SPAG16: variants seen among roughly 807,000 people sequenced by gnomAD.
SPAG16 encodes sperm associated antigen 16, also known as sperm-associated antigen 16 protein.
In SPAG16, 86 loss-of-function variants were observed where a neutral mutation model predicts 80.4. The observed-to-expected ratio is 1.07, with a 90% CI of 0.90 to 1.28. SPAG16 has a LOEUF of 1.28. SPAG16 is among the 50% of genes most tolerant of loss of function. The pLI is 0.00. For missense variants in SPAG16, 870 were observed against 765.3 expected (o/e 1.14, Z -1.61); for synonymous variants, 294 against 265.9 (o/e 1.11, Z -1.03).
At chr2:214,095,088 A>G (rs11889359) in intron 13 of SPAG16, among the ~76,000 whole-genome samples, 13,248 of 152,078 alleles carry the variant, frequency 0.087, 760 homozygotes, top group East Asian at 0.28. Flanking sequence ...GAAGGAACTC[A>G]AAAGTTCTTA....
chr2:213,640,263 TG>T (rs1203803794), intron 10 of SPAG16, among the ~76,000 whole-genome samples: 7 of 152,212 alleles, frequency 4.6e-5, no homozygotes, highest in African/African-American at 1.7e-4. Context: ...TATTTCTTCT[TG>T]GTTTGGATCC....
At chr2:214,012,595 CAA>C (rs1391317806) in intron 12 of SPAG16, among the ~76,000 whole-genome samples, 1 of 151,732 alleles carries the variant, frequency 6.6e-6, no homozygotes, top group African/African-American at 2.4e-5. Flanking sequence ...ATGCCTGGGC[CAA>C]CTGACTGATT....
intron 15 of SPAG16, among the ~76,000 whole-genome samples, chr2:214,362,607 G>A (rs10188544): frequency 0.024 from 3,665 of 151,784 alleles, 143 homozygotes; most frequent in African/African-American, 0.083. Flanking sequence ...CCTCACTGTG[G>A]CTAGTTGATA....
At chr2:214,078,586 T>C (rs1372210593) in intron 13 of SPAG16, among the ~76,000 whole-genome samples, 3 of 151,764 alleles carry the variant, frequency 2.0e-5, no homozygotes, top group Admixed American at 6.6e-5. Flanking sequence ...TCTGTGTGTC[T>C]CTTAATTGCA....
intron 13 of SPAG16, among the ~76,000 whole-genome samples, chr2:214,052,614 A>G (rs750239976): frequency 3.2e-4 from 49 of 152,194 alleles, no homozygotes; most frequent in Non-Finnish European, 5.3e-4. Flanking sequence ...ATCGTATATT[A>G]TAAGAATAAT....
chr2:213,755,816 T>C (rs2068298997), intron 10 of SPAG16, among the ~76,000 whole-genome samples: 1 of 152,200 alleles, frequency 6.6e-6, no homozygotes, highest in Non-Finnish European at 1.5e-5. Context: ...ATGTAACTAA[T>C]AGAGAGGAAT....
intron 10 of SPAG16, among the ~76,000 whole-genome samples, chr2:213,804,422 G>A (rs985996555): frequency 1.3e-5 from 2 of 152,158 alleles, no homozygotes; most frequent in East Asian, 1.9e-4. Flanking sequence ...TGTGGCTGGC[G>A]CCTGTAATCC....
chr2:214,111,563 G>A (rs540166720), intron 14 of SPAG16, among the ~76,000 whole-genome samples: 23 of 152,234 alleles, frequency 1.5e-4, no homozygotes, highest in Non-Finnish European at 2.5e-4. Context: ...GTCAGGTAGC[G>A]TGATGCCTCC....
At chr2:213,739,026 TG>T (rs2067422879) in intron 10 of SPAG16, among the ~76,000 whole-genome samples, 1 of 152,336 alleles carries the variant, frequency 6.6e-6, no homozygotes, top group East Asian at 1.9e-4. Flanking sequence ...AACTGTGATT[TG>T]GGGATTGTTA....
At chr2:214,065,786 C>A (rs2050501935) in intron 13 of SPAG16, among the ~76,000 whole-genome samples, 1 of 152,156 alleles carries the variant, frequency 6.6e-6, no homozygotes, top group African/African-American at 2.4e-5. Context: ...AAATGAGCCT[C>A]TCATTCTTCT....
chr2:213,665,009 A>T (rs555606711), intron 10 of SPAG16, among the ~76,000 whole-genome samples: 38 of 151,902 alleles, frequency 2.5e-4, no homozygotes, highest in Non-Finnish European at 4.9e-4. Context: ...GGATCTGTGG[A>T]CTTTGATTTT....
intron 13 of SPAG16, among the ~76,000 whole-genome samples, chr2:214,033,091 A>C (rs751387436): frequency 2.0e-5 from 3 of 152,222 alleles, no homozygotes; most frequent in Non-Finnish European, 2.9e-5. Context: ...TGGAAACATG[A>C]AATATTTTTG....
intron 12 of SPAG16, among the ~76,000 whole-genome samples, chr2:214,009,892 TA>T (rs747773266): frequency 4.0e-5 from 6 of 150,484 alleles, no homozygotes; most frequent in Non-Finnish European, 8.8e-5. Context: ...TAAGTCATAA[TA>T]AAAAGAAACC....
chr2:214,069,614 T>C (rs2050691216), intron 13 of SPAG16, among the ~76,000 whole-genome samples: 1 of 152,124 alleles, frequency 6.6e-6, no homozygotes, highest in African/African-American at 2.4e-5. Context: ...TAAAATCATA[T>C]GACCAAGGGA....
Position 213,925,355 on chromosome 2 carries a change from C to CTT in SPAG16, c.1215-4592_1215-4591dup, listed in dbSNP as rs35309095. On this transcript the variant is annotated intron_variant, in intron 11 of 15. Transcript: ENST00000331683. ...ATACTTGTTCTTGTTTCTTTTCTTC[C>CTT]TTTTTTTTTTTTTTGAGGTGGAGTC... Among the ~76,000 whole-genome samples, 130 of 141,678 alleles carry CTT rather than the reference C, an allele frequency of 9.2e-4. 3 individuals are homozygous for CTT. The Middle Eastern group carries it at 0.022, about 24-fold the overall frequency. 92.9% of individuals were successfully genotyped at this position (141,678 alleles called of 152,430 possible).
At chr2:214,284,651 G>A (rs2125919022) in intron 15 of SPAG16, among the ~76,000 whole-genome samples, 1 of 152,326 alleles carries the variant, frequency 6.6e-6, no homozygotes, top group East Asian at 1.9e-4. Context: ...AAAGTTAAGA[G>A]TACAGCTAAA....
At chr2:213,746,281 T>C (rs923560537) in intron 10 of SPAG16, among the ~76,000 whole-genome samples, 1 of 152,254 alleles carries the variant, frequency 6.6e-6, no homozygotes, top group Non-Finnish European at 1.5e-5. Context: ...CTGCAATTAC[T>C]GACAGTAATA....
intron 10 of SPAG16, among the ~76,000 whole-genome samples, chr2:213,679,149 T>C (rs550758920): frequency 3.6e-4 from 55 of 152,282 alleles, no homozygotes; most frequent in African/African-American, 1.2e-3. Context: ...TAATTCTAAA[T>C]ATAAATTTAA....
rs140026653 is a variant in SPAG16, at chr2:213,692,453, T to C, written c.1071-170032T>C. ...AGAGAGAGCCACTGATTTATTGTGT[T>C]TGGTGTCCAAGAACAGCTCAAACTG... On this transcript the variant is annotated intron_variant, in intron 10 of 15. Coordinates refer to ENST00000331683, the MANE Select transcript of SPAG16 (RefSeq NM_024532.5). 8.5e-5 allele frequency among the ~76,000 whole-genome samples: 13 copies of C among 152,288 alleles called. No homozygotes were observed. In the East Asian group the frequency reaches 2.5e-3, roughly 29 times the overall value.
Sources: gnomAD v4.1 joint callset for allele counts (sites outside exome capture counted in the v4.1 genomes callset) on GRCh38, gnomAD v4.1.1 for gene constraint, MANE v1.5 for transcripts, NCBI Gene and HGNC (gene_info 2026-07-23, HGNC 2026-07-21) for gene names.